The following ADARB2 variants were observed in gnomAD, a reference collection of about 807,000 sequenced individuals.
The protein encoded by ADARB2 is adenosine deaminase RNA specific B2 (inactive).
In ADARB2, 25 loss-of-function variants were observed where a neutral mutation model predicts 62.2. That is an observed-to-expected ratio of 0.40 (90% CI 0.29 to 0.56). The LOEUF (loss-of-function observed/expected upper bound fraction) is 0.56, where lower values mean the gene tolerates loss of function less well. Ranked by LOEUF, ADARB2 falls within the 20% of genes least tolerant of loss-of-function variation. ADARB2 has a pLI of 0.43. For missense variants in ADARB2, 1,071 were observed against 1,077.4 expected (o/e 0.99, Z 0.08); for synonymous variants, 572 against 500.8 (o/e 1.14, Z -1.90).
intron 1 of ADARB2, among the ~76,000 whole-genome samples, chr10:1,664,360 C>T (rs1834287890): frequency 6.6e-6 from 1 of 152,154 alleles, no homozygotes; most frequent in African/African-American, 2.4e-5. Flanking sequence ...AGAGTGTGTT[C>T]AGCTTTGCAG....
At chr10:1,706,194 C>G (rs1465331077) in intron 1 of ADARB2, among the ~76,000 whole-genome samples, 1 of 152,204 alleles carries the variant, frequency 6.6e-6, no homozygotes, top group African/African-American at 2.4e-5. Flanking sequence ...TCGCTCCCTA[C>G]CCTGGAAGCA....
At chr10:1,514,961 C>A (rs1167888465) in intron 1 of ADARB2, among the ~76,000 whole-genome samples, 1 of 152,020 alleles carries the variant, frequency 6.6e-6, no homozygotes, top group Non-Finnish European at 1.5e-5. Context: ...AGAAAGGACA[C>A]AGAAAAGGGG....
At chr10:1,577,114 G>C (rs959620980) in intron 1 of ADARB2, among the ~76,000 whole-genome samples, 1 of 152,212 alleles carries the variant, frequency 6.6e-6, no homozygotes, top group African/African-American at 2.4e-5. Context: ...CCTAGGCCTG[G>C]GGTGGCTCAG....
intron 1 of ADARB2, among the ~76,000 whole-genome samples, chr10:1,591,016 G>A (rs1833245016): frequency 6.6e-6 from 1 of 152,228 alleles, no homozygotes; most frequent in South Asian, 2.1e-4. Flanking sequence ...GCTGGGCTCC[G>A]CAAACAGGTG....
At chr10:1,648,833 T>C (rs1229633072) in intron 1 of ADARB2, among the ~76,000 whole-genome samples, 1 of 152,172 alleles carries the variant, frequency 6.6e-6, no homozygotes, top group Non-Finnish European at 1.5e-5. Flanking sequence ...GGGTAGGCCA[T>C]GGAGTCAGCA....
At chr10:1,586,397 A>G (rs1588312900) in intron 1 of ADARB2, among the ~76,000 whole-genome samples, 1 of 152,316 alleles carries the variant, frequency 6.6e-6, no homozygotes, top group African/African-American at 2.4e-5. Context: ...GGCACCTGAG[A>G]GCAGCTGGCG....
At chr10:1,699,070 T>C (rs990455815) in intron 1 of ADARB2, among the ~76,000 whole-genome samples, 2 of 152,264 alleles carry the variant, frequency 1.3e-5, no homozygotes, top group African/African-American at 2.4e-5. Flanking sequence ...TGCAAATGAC[T>C]TTTTTTAAAC....
intron 1 of ADARB2, among the ~76,000 whole-genome samples, chr10:1,706,549 GA>G (rs1234169682): frequency 6.6e-6 from 1 of 152,178 alleles, no homozygotes; most frequent in East Asian, 1.9e-4. Context: ...GGTGTTCCAG[GA>G]GAGTATTTTC....
intron 3 of ADARB2, among the ~76,000 whole-genome samples, chr10:1,362,124 C>G (rs1230604902): frequency 4.6e-5 from 7 of 152,206 alleles, no homozygotes; most frequent in Admixed American, 4.6e-4. Flanking sequence ...AAGGCCGGTG[C>G]ACACTGACTT....
chr10:1,655,272 G>C (rs368340230), intron 1 of ADARB2, among the ~76,000 whole-genome samples: 106 of 152,330 alleles, frequency 7.0e-4, no homozygotes, highest in African/African-American at 2.3e-3. Flanking sequence ...ATTAAGCCAA[G>C]CTCCATGCTG....
chr10:1,257,797 G>A (rs1190339393), intron 4 of ADARB2, among the ~76,000 whole-genome samples: 2 of 152,194 alleles, frequency 1.3e-5, no homozygotes, highest in Non-Finnish European at 2.9e-5. Flanking sequence ...CAGTGTTTCC[G>A]CAGGGAAGTC....
At position 1,217,070 on chromosome 10, in the gene ADARB2, G is replaced by A. The variant is rs1316502117; in HGVS notation, c.1563C>T (p.Thr521=). The A allele has an allele frequency of 1.2e-6, 2 of 1,608,448 alleles. No homozygotes were observed. Among genetic ancestry groups the A allele is most frequent in the Non-Finnish European group, 1.7e-6 (2 of 1,177,708 alleles). The stretch of plus-strand genomic sequence containing the variant: ...CCGTCCCTTCCCCGGACTCGATCTT[G>A]GTGCGCAGGTGCCCGCGGAACTTCC... ...LVRKFRGHLR[T]KIESGEGTVP... is the part of the protein sequence containing the mutation. The change falls in exon 7 of 10, where the codon ACC becomes ACT. Residue 521 remains threonine, a synonymous_variant. Transcript: ENST00000381312.
At chr10:1,396,241 G>C (rs554739471) in intron 1 of ADARB2, among the ~76,000 whole-genome samples, 1 of 151,930 alleles carries the variant, frequency 6.6e-6, no homozygotes, top group East Asian at 1.9e-4. Context: ...TCTTCTCCTC[G>C]TGCGACTCTC....
At chr10:1,525,902 C>T (rs116899440) in intron 1 of ADARB2, among the ~76,000 whole-genome samples, 1 of 150,670 alleles carries the variant, frequency 6.6e-6, no homozygotes, top group Non-Finnish European at 1.5e-5. Flanking sequence ...TGTGTGTGAG[C>T]GTGTATGCTC....
chr10:1,558,384 A>G (rs930602895), intron 1 of ADARB2, among the ~76,000 whole-genome samples: 1 of 137,340 alleles, frequency 7.3e-6, no homozygotes, highest in African/African-American at 2.9e-5. Flanking sequence ...TGCTCCATCT[A>G]AACTCGAATC....
At chr10:1,616,689 G>T (rs1164005329) in intron 1 of ADARB2, among the ~76,000 whole-genome samples, 1 of 131,380 alleles carries the variant, frequency 7.6e-6, no homozygotes, top group African/African-American at 2.9e-5. Flanking sequence ...TGCATCCTGG[G>T]AACTGGCCTC....
Position 1,179,285 on chromosome 10 carries a change from G to A in ADARB2, c.*3908C>T, listed in dbSNP as rs1217832068. ...AAAATGAGATGGAGAAATATGATCT[G>A]TGTGTTTCTTTGAAAAGGAACCCAG... is the stretch of plus-strand genomic sequence containing the variant. On this transcript the variant is annotated 3_prime_UTR_variant, in exon 10 of 10. Coordinates refer to ENST00000381312, the MANE Select transcript of ADARB2 (RefSeq NM_018702.4). 1 of 152,064 alleles carries A rather than the reference G, an allele frequency of 6.6e-6. No individual in the cohort carries two copies. The highest frequency in any genetic ancestry group is 1.5e-5 in the Non-Finnish European group (1 of 68,026). 9.4% of individuals were successfully genotyped at this position (152,064 alleles called of 1,614,324 possible). A position where few individuals can be genotyped will look rare whatever the true frequency, so the allele number is the denominator to read the frequency against.
At chr10:1,327,466 CT>C (rs1831877413) in intron 3 of ADARB2, among the ~76,000 whole-genome samples, 1 of 90,584 alleles carries the variant, frequency 1.1e-5, no homozygotes, top group African/African-American at 5.0e-5. Flanking sequence ...CGCCTCCTCA[CT>C]GCACAGCGCC....
chr10:1,544,559 C>T (rs1291837634), intron 1 of ADARB2, among the ~76,000 whole-genome samples: 2 of 151,986 alleles, frequency 1.3e-5, no homozygotes, highest in African/African-American at 4.8e-5. Context: ...CTGTTGGGGC[C>T]GGGCACAGCA....
Sources: allele counts gnomAD v4.1 joint callset (sites outside exome capture counted in the v4.1 genomes callset), GRCh38; gene constraint gnomAD v4.1.1; transcripts MANE v1.5; gene names NCBI Gene and HGNC (gene_info 2026-07-23, HGNC 2026-07-21).